The following EIF2AK2 variants were observed in gnomAD, a reference collection of about 807,000 sequenced individuals.
The protein encoded by EIF2AK2 is interferon-induced, double-stranded RNA-activated protein kinase.
Under a neutral mutation model 70.5 loss-of-function variants are expected in EIF2AK2, and 40 were observed. The observed-to-expected ratio is 0.57, with a 90% CI of 0.44 to 0.74. The LOEUF (loss-of-function observed/expected upper bound fraction) is 0.74, where lower values mean the gene tolerates loss of function less well. Ranked by LOEUF, EIF2AK2 falls within the 30% of genes least tolerant of loss-of-function variation. The pLI, the probability that EIF2AK2 is intolerant of heterozygous loss-of-function variation, is 0.00. For missense variants in EIF2AK2, 555 were observed against 644.3 expected (o/e 0.86, Z 1.50); for synonymous variants, 198 against 220.9 (o/e 0.90, Z 0.92).
intron 13 of EIF2AK2, among the ~76,000 whole-genome samples, chr2:37,116,069 T>C (rs146385922): frequency 0.013 from 2,014 of 152,114 alleles, 23 homozygotes; most frequent in Middle Eastern, 0.02. Context: ...GCTAATTTTT[T>C]TGTATTTTTA....
intron 5 of EIF2AK2, among the ~76,000 whole-genome samples, chr2:37,140,163 C>T (rs1374363883): frequency 6.6e-6 from 1 of 152,098 alleles, no homozygotes; most frequent in African/African-American, 2.4e-5. Context: ...AGTAGGCTTC[C>T]ACAGGAGAAG....
Position 37,105,930 on chromosome 2 carries a change from T to G in EIF2AK2, c.*1343A>C, listed in dbSNP as rs1056908674. On this transcript the variant is annotated 3_prime_UTR_variant, in exon 17 of 17. Coordinates refer to ENST00000233057, the MANE Select transcript of EIF2AK2 (RefSeq NM_001135651.3). ...ACCCTTCCCGATGGACTATTTTCTG[T>G]TTTTAGCTACTGCCTTACAGCACGG... The G allele has an allele frequency of 6.6e-6, 1 of 152,180 alleles. No individual in the cohort carries two copies. The highest frequency in any genetic ancestry group is 1.5e-5 in the Non-Finnish European group (1 of 68,040). 9.4% of individuals were successfully genotyped at this position (152,180 alleles called of 1,614,324 possible).
intron 5 of EIF2AK2, among the ~76,000 whole-genome samples, chr2:37,140,603 C>CG (rs914635698): frequency 4.0e-5 from 6 of 151,320 alleles, no homozygotes; most frequent in Admixed American, 2.0e-4. Context: ...AGATACTGCC[C>CG]CCCCCCGCAA....
At chr2:37,137,052 G>T (rs1246627334) in intron 8 of EIF2AK2, 35 bp from the exon 9 acceptor site, 3 of 1,561,602 alleles carry the variant, frequency 1.9e-6, no homozygotes, top group South Asian at 1.2e-5. Flanking sequence ...AGTTTCAGAT[G>T]ACTAAATCAG....
intron 13 of EIF2AK2, among the ~76,000 whole-genome samples, chr2:37,117,972 G>A (rs2148673166): frequency 6.6e-6 from 1 of 152,298 alleles, no homozygotes; most frequent in Non-Finnish European, 1.5e-5. Flanking sequence ...AACTGTAGTA[G>A]TGAGAGCCTG....
intron 6 of EIF2AK2, 67 bp from the exon 7 acceptor site, chr2:37,138,652 T>C: frequency 7.5e-7 from 1 of 1,324,900 alleles, no homozygotes; most frequent in Non-Finnish European, 1.1e-6. Flanking sequence ...AGGCTCAGTT[T>C]CTATGTACTA....
At chr2:37,111,177 T>G (rs1342938383) in intron 14 of EIF2AK2, among the ~76,000 whole-genome samples, 1 of 152,136 alleles carries the variant, frequency 6.6e-6, no homozygotes, top group Admixed American at 6.5e-5. Context: ...TTAACGGGTG[T>G]AAAGTTTCAG....
intron 1 of EIF2AK2, among the ~76,000 whole-genome samples, chr2:37,150,027 A>G (rs1675687717): frequency 6.6e-6 from 1 of 152,118 alleles, no homozygotes; most frequent in African/African-American, 2.4e-5. Context: ...GTCACTGATC[A>G]TGGGAATGTT....
At chr2:37,124,516 C>A (rs1000303784) in intron 11 of EIF2AK2, among the ~76,000 whole-genome samples, 6 of 152,278 alleles carry the variant, frequency 3.9e-5, no homozygotes, top group Non-Finnish European at 7.3e-5. Context: ...GTCTTGGCCT[C>A]CCAAAGTGCT....
chr2:37,144,271 T>C (rs916470982), intron 4 of EIF2AK2, among the ~76,000 whole-genome samples: 1 of 149,520 alleles, frequency 6.7e-6, no homozygotes, highest in Non-Finnish European at 1.5e-5. Context: ...CAATTATGTA[T>C]AGTACATAAT....
At chr2:37,149,360 C>T (rs1392129779) in intron 1 of EIF2AK2, 2 of 611,690 alleles carry the variant, frequency 3.3e-6, no homozygotes, top group African/African-American at 1.9e-5. Flanking sequence ...AATTCGGTTA[C>T]TCTAAGATAC....
intron 6 of EIF2AK2, among the ~76,000 whole-genome samples, chr2:37,139,102 G>C (rs1480895218): frequency 6.6e-6 from 1 of 151,870 alleles, no homozygotes; most frequent in Non-Finnish European, 1.5e-5. Context: ...TGGATCATGA[G>C]GTCAGGAGTT....
intron 14 of EIF2AK2, among the ~76,000 whole-genome samples, chr2:37,110,007 C>G (rs775561435): frequency 8.0e-5 from 12 of 150,722 alleles, no homozygotes; most frequent in Non-Finnish European, 1.8e-4. Flanking sequence ...ATGCATTTGT[C>G]AAAACGAAAA....
chr2:37,140,275 C>T (rs1675282935), intron 5 of EIF2AK2, among the ~76,000 whole-genome samples: 1 of 152,140 alleles, frequency 6.6e-6, no homozygotes, highest in East Asian at 1.9e-4. Flanking sequence ...AGAAAATCCC[C>T]ACAGTGCAGA....
intron 4 of EIF2AK2, among the ~76,000 whole-genome samples, chr2:37,145,135 T>C (rs1380878004): frequency 5.3e-5 from 8 of 150,754 alleles, no homozygotes; most frequent in Admixed American, 5.3e-4. Context: ...GTTTGTGGTT[T>C]TGTGGGTTTT....
At chr2:37,134,084 C>T (rs1372277845) in intron 10 of EIF2AK2, among the ~76,000 whole-genome samples, 1 of 152,158 alleles carries the variant, frequency 6.6e-6, no homozygotes, top group East Asian at 1.9e-4. Flanking sequence ...TTATACATCC[C>T]TTCCTACACC....
chr2:37,121,556 T>C (rs1210420755), intron 12 of EIF2AK2, among the ~76,000 whole-genome samples: 2 of 148,316 alleles, frequency 1.3e-5, no homozygotes, highest in African/African-American at 5.0e-5. Flanking sequence ...CCTAAAACAA[T>C]AGGGAAGGTA....
Position 37,126,374 on chromosome 2 carries a change from AG to A in EIF2AK2, c.822del (p.Ser275GlnfsTer35), listed in dbSNP as rs1353059730. Reference sequence around the variant, plus strand: ...TTGAAAACTTGGCCAAATCCACCTGAGCCAATTAATTCTATTTCTTTAAAAT... The same window carrying A: ...TTGAAAACTTGGCCAAATCCACCTGACCAATTAATTCTATTTCTTTAAAAT... ...GMDFKEIELI[G>X]SGGFGQVFKA... On this transcript the variant is annotated frameshift_variant, in exon 11 of 17. Coordinates refer to ENST00000233057, the MANE Select transcript of EIF2AK2 (RefSeq NM_001135651.3). LOFTEE classifies it high-confidence loss of function. The A allele has an allele frequency of 6.2e-7, 1 of 1,611,694 alleles. No homozygotes were observed. The highest frequency in any genetic ancestry group is 8.5e-7 in the Non-Finnish European group (1 of 1,179,338).
intron 14 of EIF2AK2, among the ~76,000 whole-genome samples, chr2:37,112,511 G>GTGAT (rs1674195165): frequency 6.6e-6 from 1 of 152,210 alleles, no homozygotes; most frequent in Admixed American, 6.5e-5. Flanking sequence ...AGATGACAAT[G>GTGAT]TGATTACAGA....
Sources: allele counts gnomAD v4.1 joint callset (sites outside exome capture counted in the v4.1 genomes callset), GRCh38; gene constraint gnomAD v4.1.1; transcripts MANE v1.5; gene names NCBI Gene and HGNC (gene_info 2026-07-23, HGNC 2026-07-21).